Variants in PACS1 observed in about 807,000 individuals in gnomAD.
The protein encoded by PACS1 is phosphofurin acidic cluster sorting protein 1, also known as PACS-1.
Under a neutral mutation model 115.0 loss-of-function variants are expected in PACS1, and 24 were observed. The ratio of observed to expected loss-of-function variants is 0.21; its 90% CI spans 0.15 to 0.29. PACS1 has a LOEUF of 0.29. Among genes scored for constraint, PACS1 ranks in the 10% least tolerant of loss-of-function variants. The pLI is 1.00. For missense variants in PACS1, 838 were observed against 1,251.2 expected (o/e 0.67, Z 4.98); for synonymous variants, 453 against 504.5 (o/e 0.90, Z 1.37).
chr11:66,119,821 G>C (rs774176906), intron 1 of PACS1, among the ~76,000 whole-genome samples: 1 of 152,178 alleles, frequency 6.6e-6, no homozygotes, highest in East Asian at 1.9e-4. Context: ...GCTGAAGGAC[G>C]TCAGAACTGT....
At chr11:66,121,100 T>G (rs1030940756) in intron 1 of PACS1, 1 of 456,004 alleles carries the variant, frequency 2.2e-6, no homozygotes, top group Admixed American at 2.3e-5. Context: ...TCTAATAGCA[T>G]GTGCTTACTT....
chr11:66,201,404 A>T (rs909863480), intron 2 of PACS1, among the ~76,000 whole-genome samples: 3 of 152,184 alleles, frequency 2.0e-5, no homozygotes, highest in Admixed American at 2.0e-4. Flanking sequence ...GAAGCAAATG[A>T]TAATGGAAAC....
At chr11:66,084,118 G>A (rs1027754540) in intron 1 of PACS1, 38 of 152,464 alleles carry the variant, frequency 2.5e-4, no homozygotes, top group African/African-American at 8.2e-4. Flanking sequence ...TGTTGGACGG[G>A]AAGAATAAAG....
At chr11:66,147,460 A>G (rs992286437) in intron 1 of PACS1, among the ~76,000 whole-genome samples, 1 of 152,224 alleles carries the variant, frequency 6.6e-6, no homozygotes, top group African/African-American at 2.4e-5. Flanking sequence ...TAATATATAA[A>G]AATAGCTGAG....
In PACS1 at chr11:66,220,796, G is replaced by T; in HGVS notation, c.1199+5G>T. The T allele has an allele frequency of 6.2e-7, 1 of 1,613,318 alleles. No individual in the cohort carries two copies. Among genetic ancestry groups the T allele is most frequent in the Non-Finnish European group, 8.5e-7 (1 of 1,179,662 alleles). On this transcript the variant is annotated splice_donor_5th_base_variant and intron_variant, in intron 9 of 23. Transcript: ENST00000320580. ...CACGCCAAAGCCCAAGCTCAAGTGA[G>T]CCCCCCTCTCTGTAGCTGGCCTCCA...
chr11:66,073,242 TTA>T (rs1481785576), intron 1 of PACS1, among the ~76,000 whole-genome samples: 1 of 152,262 alleles, frequency 6.6e-6, no homozygotes, highest in African/African-American at 2.4e-5. Context: ...GTCTTTCCAA[TTA>T]TTAGAGTCAT....
chr11:66,233,200 G>A lies in PACS1; in HGVS notation c.1838+134G>A, dbSNP rs562166456. 113 of 646,294 alleles carry A rather than the reference G, an allele frequency of 1.7e-4. No homozygotes were observed. Among genetic ancestry groups the A allele is most frequent in the Admixed American group, 3.0e-4 (11 of 36,552 alleles). The allele number at this position is 646,294 out of a possible 1,614,324, so 40.0% of individuals were successfully genotyped here. A position where few individuals can be genotyped will look rare whatever the true frequency, so the allele number is the denominator to read the frequency against. On this transcript the variant is annotated intron_variant, in intron 15 of 23. Coordinates refer to ENST00000320580, the MANE Select transcript of PACS1 (RefSeq NM_018026.4). The surrounding 1 kb of genome is among the most constrained non-coding windows in gnomAD (Gnocchi z 4.5). ...AATTTGCAGAGGGGCGTATGTTTAG[G>A]GGGGTGGCGGCAGCAGGCTGTAGGG...
intron 1 of PACS1, among the ~76,000 whole-genome samples, chr11:66,083,123 T>A (rs1430336829): frequency 6.6e-6 from 1 of 152,214 alleles, no homozygotes; most frequent in Non-Finnish European, 1.5e-5. Flanking sequence ...TAGAAAGTAG[T>A]TGACAGCATT....
At chr11:66,185,513 T>G (rs1196486188) in intron 1 of PACS1, among the ~76,000 whole-genome samples, 1 of 152,130 alleles carries the variant, frequency 6.6e-6, no homozygotes, top group Non-Finnish European at 1.5e-5. Context: ...TCCCTTTAAG[T>G]AGGGACTCGG....
chr11:66,129,553 C>G (rs115708614), intron 1 of PACS1, among the ~76,000 whole-genome samples: 6,016 of 151,594 alleles, frequency 0.04, 132 homozygotes, highest in South Asian at 0.071. Flanking sequence ...CTCAAGTGAT[C>G]CACCCTCAGC....
At chr11:66,220,543 A>G (rs1391020905) in intron 8 of PACS1, 88 bp from the exon 9 acceptor site, 37 of 1,300,278 alleles carry the variant, frequency 2.8e-5, no homozygotes, top group Non-Finnish European at 3.5e-5. Flanking sequence ...GCAGGACTAT[A>G]AGGGCAGCCC....
intron 1 of PACS1, among the ~76,000 whole-genome samples, chr11:66,097,548 C>T (rs1308716496): frequency 6.6e-6 from 1 of 152,210 alleles, no homozygotes; most frequent in African/African-American, 2.4e-5. Flanking sequence ...CAGCCAGTAC[C>T]TTGGTGGCAC....
At chr11:66,221,111 T>G in intron 9 of PACS1, 43 bp from the exon 10 acceptor site, 1 of 1,566,856 alleles carries the variant, frequency 6.4e-7, no homozygotes. Context: ...CATGCTGTTC[T>G]GAGCCCTGGC....
At chr11:66,116,514 G>A (rs936702344) in intron 1 of PACS1, among the ~76,000 whole-genome samples, 9 of 152,144 alleles carry the variant, frequency 5.9e-5, no homozygotes, top group African/African-American at 1.9e-4. Context: ...AAATGCTTAC[G>A]AGCAACTATT....
intron 1 of PACS1, among the ~76,000 whole-genome samples, chr11:66,152,745 A>G (rs1382446431): frequency 6.6e-6 from 1 of 152,196 alleles, no homozygotes; most frequent in South Asian, 2.1e-4. Context: ...GAGGGGAAGC[A>G]GGTAGAGAAA....
At chr11:66,142,584 A>G (rs1450447507) in intron 1 of PACS1, among the ~76,000 whole-genome samples, 1 of 150,978 alleles carries the variant, frequency 6.6e-6, no homozygotes, top group East Asian at 1.9e-4. Flanking sequence ...CTGGGACTAC[A>G]GGCGTGAGGC....
intron 1 of PACS1, among the ~76,000 whole-genome samples, chr11:66,136,323 T>TCACACACACACACACACACACACA (rs61577143): frequency 2.0e-4 from 29 of 145,910 alleles, no homozygotes; most frequent in African/African-American, 6.5e-4. Flanking sequence ...AATCCCACTG[T>TCACACACACACACACACACACACA]CACACACACA....
At chr11:66,152,855 C>G (rs138501846) in intron 1 of PACS1, among the ~76,000 whole-genome samples, 2 of 152,278 alleles carry the variant, frequency 1.3e-5, no homozygotes, top group African/African-American at 4.8e-5. Flanking sequence ...TAGTCAAATA[C>G]TGAGAGAAAA....
At chr11:66,116,041 C>T (rs1039743079) in intron 1 of PACS1, among the ~76,000 whole-genome samples, 3 of 152,186 alleles carry the variant, frequency 2.0e-5, no homozygotes, top group African/African-American at 7.2e-5. Context: ...TTAAGAATTG[C>T]CTTGGCAAGA....
Sources: allele counts gnomAD v4.1 joint callset (sites outside exome capture counted in the v4.1 genomes callset), GRCh38; gene constraint gnomAD v4.1.1; non-coding constraint Gnocchi (gnomAD v3.1); transcripts MANE v1.5; gene names NCBI Gene and HGNC (gene_info 2026-07-23, HGNC 2026-07-21).